The following CUX1 variants were observed in gnomAD, a reference collection of about 807,000 sequenced individuals.
CUX1 encodes protein CASP.
CUX1 carries 31 observed loss-of-function variants against 158.8 expected under a neutral mutation model. That is an observed-to-expected ratio of 0.20 (90% CI 0.15 to 0.26). The LOEUF (loss-of-function observed/expected upper bound fraction) is 0.26. Ranked by LOEUF, CUX1 falls within the 10% of genes least tolerant of loss-of-function variation. The probability of loss-of-function intolerance (pLI) is 1.00; values close to 1 mark genes in which losing one functional copy is unlikely to be tolerated. For synonymous variants in CUX1, 879 were observed against 862.1 expected, an observed-to-expected ratio of 1.02 and a Z score of -0.34; for missense variants, 1,589 against 2,014.6, an observed-to-expected ratio of 0.79 and a Z score of 4.04.
At chr7:101,940,235 G>A (rs1807536297) in intron 2 of CUX1, among the ~76,000 whole-genome samples, 1 of 121,670 alleles carries the variant, frequency 8.2e-6, no homozygotes, top group Non-Finnish European at 1.9e-5. Context: ...GGGAGACCCT[G>A]TCTCAGGAAA....
At chr7:101,881,074 T>G (rs751631474) in intron 1 of CUX1, among the ~76,000 whole-genome samples, 6 of 152,098 alleles carry the variant, frequency 3.9e-5, no homozygotes, top group Non-Finnish European at 8.8e-5. Context: ...AAGTATTACC[T>G]GTAGGAATAA....
At chr7:101,976,173 T>C (rs1161278932) in intron 2 of CUX1, among the ~76,000 whole-genome samples, 3 of 152,206 alleles carry the variant, frequency 2.0e-5, no homozygotes, top group Admixed American at 1.3e-4. Context: ...ATTATTTCTC[T>C]CTTACATGTT....
At position 102,216,598 on chromosome 7, in the gene CUX1, C is replaced by CCACA. The variant is rs782225410; in HGVS notation, c.3131-10755_3131-10752dup. ...CACACACTCTCCCACACACACACTC[C>CCACA]CACACACACACACACACTCCCCACA... is the stretch of plus-strand genomic sequence containing the variant. On this transcript the variant is annotated intron_variant, in intron 20 of 23. Transcript: ENST00000292535. Among the ~76,000 whole-genome samples the CCACA allele has an allele frequency of 7.1e-3, 207 of 29,186 alleles. 10 individuals carry two copies. Among genetic ancestry groups the CCACA allele is most frequent in the African/African-American group, 0.019 (202 of 10,698 alleles). The allele number at this position is 29,186 out of a possible 152,430, so 19.1% of individuals were successfully genotyped here.
chr7:102,036,913 G>A (rs575261356), intron 3 of CUX1, among the ~76,000 whole-genome samples: 2 of 152,296 alleles, frequency 1.3e-5, no homozygotes, highest in South Asian at 2.1e-4. Context: ...AGTTGAGACC[G>A]AGTGCACTGG....
intron 1 of CUX1, among the ~76,000 whole-genome samples, chr7:101,901,068 A>G (rs1263463538): frequency 1.3e-5 from 2 of 152,118 alleles, no homozygotes; most frequent in Non-Finnish European, 2.9e-5. Context: ...ACCAATGGGA[A>G]AATCGATGCT....
chr7:101,898,446 C>T (rs1021135171), intron 1 of CUX1, among the ~76,000 whole-genome samples: 1 of 152,166 alleles, frequency 6.6e-6, no homozygotes, highest in African/African-American at 2.4e-5. Flanking sequence ...TCTCCAATGC[C>T]ATTCAGTGCC....
At chr7:101,830,723 C>T (rs961523784) in intron 1 of CUX1, among the ~76,000 whole-genome samples, 6 of 152,100 alleles carry the variant, frequency 3.9e-5, no homozygotes, top group African/African-American at 1.4e-4. Flanking sequence ...TCCCAAAGTG[C>T]CGGGATTATA....
chr7:102,015,014 A>G (rs1023692751), intron 2 of CUX1, among the ~76,000 whole-genome samples: 5 of 152,166 alleles, frequency 3.3e-5, no homozygotes, highest in Non-Finnish European at 7.3e-5. Context: ...CCCATCGTTC[A>G]TTATTAATTA....
chr7:102,033,696 G>C (rs1382145424), intron 3 of CUX1, among the ~76,000 whole-genome samples: 2 of 152,162 alleles, frequency 1.3e-5, no homozygotes. Flanking sequence ...GTTTCCAAGA[G>C]AGTTTTATCA....
chr7:102,143,553 G>GT (rs1380130761), intron 8 of CUX1, among the ~76,000 whole-genome samples: 3 of 152,146 alleles, frequency 2.0e-5, no homozygotes, highest in Non-Finnish European at 4.4e-5. Context: ...GATTACAGGT[G>GT]TGAGTCACTG....
At chr7:101,993,840 T>A (rs2129250630) in intron 2 of CUX1, among the ~76,000 whole-genome samples, 1 of 152,300 alleles carries the variant, frequency 6.6e-6, no homozygotes, top group South Asian at 2.1e-4. Flanking sequence ...CTTCATCCTC[T>A]GTGCTTTTCC....
intron 20 of CUX1, among the ~76,000 whole-genome samples, chr7:102,223,096 G>A (rs373429321): frequency 1.2e-4 from 18 of 151,548 alleles, no homozygotes; most frequent in African/African-American, 2.4e-4. Flanking sequence ...GAGCCACTGC[G>A]CCTGGCCAGG....
chr7:101,895,279 T>C (rs1562974200), intron 1 of CUX1, among the ~76,000 whole-genome samples: 1 of 152,090 alleles, frequency 6.6e-6, no homozygotes, highest in Non-Finnish European at 1.5e-5. Context: ...TTGGAAATCA[T>C]GTGGGAAGTG....
intron 2 of CUX1, among the ~76,000 whole-genome samples, chr7:102,019,012 T>G (rs1477357285): frequency 6.6e-6 from 1 of 152,146 alleles, no homozygotes; most frequent in African/African-American, 2.4e-5. Context: ...GATCGTTGGC[T>G]TAGTGGCATT....
chr7:101,890,065 A>G (rs1800706090), intron 1 of CUX1, among the ~76,000 whole-genome samples: 1 of 152,166 alleles, frequency 6.6e-6, no homozygotes, highest in South Asian at 2.1e-4. Context: ...AGGGAGAGAG[A>G]AGGCCAGTGG....
intron 20 of CUX1, among the ~76,000 whole-genome samples, chr7:102,219,041 A>G (rs1797529304): frequency 1.8e-5 from 2 of 113,852 alleles, no homozygotes; most frequent in South Asian, 5.9e-4. Flanking sequence ...CAACAGATCA[A>G]GACCCTGCCT....
chr7:102,115,077 T>G, intron 7 of CUX1, 130 bp from the exon 8 acceptor site: 1 of 762,052 alleles, frequency 1.3e-6, no homozygotes, highest in Non-Finnish European at 2.2e-6. Context: ...TTGTGTGTTT[T>G]TAATCTTTAT....
upstream of CUX1, chr7:101,816,202 C>G (rs1275262391): frequency 3.2e-6 from 1 of 314,020 alleles, no homozygotes; most frequent in Non-Finnish European, 4.6e-6. Flanking sequence ...CCCGCGGCGG[C>G]GGGGAGGAGG....
At chr7:102,211,968 G>A (rs1554523292) in intron 20 of CUX1, among the ~76,000 whole-genome samples, 1 of 152,060 alleles carries the variant, frequency 6.6e-6, no homozygotes, top group East Asian at 1.9e-4. Context: ...AAGGGCACAT[G>A]CGCTTCTCAA....
Sources: gnomAD v4.1 joint callset for allele counts (sites outside exome capture counted in the v4.1 genomes callset) on GRCh38, gnomAD v4.1.1 for gene constraint, MANE v1.5 for transcripts, NCBI Gene and HGNC (gene_info 2026-07-23, HGNC 2026-07-21) for gene names.